Variants in BRCA2 observed in about 807,000 individuals in gnomAD.
BRCA2 encodes the protein BRCA2 DNA repair associated.
Under a neutral mutation model 276.7 loss-of-function variants are expected in BRCA2, and 203 were observed. The observed-to-expected ratio is 0.73, with a 90% CI of 0.65 to 0.82. The LOEUF is 0.82. Among genes scored for constraint, BRCA2 ranks in the 40% least tolerant of loss-of-function variants. The pLI is 0.00. For missense variants in BRCA2, 3,920 were observed against 3,915.0 expected, an observed-to-expected ratio of 1.00 and a Z score of -0.03; for synonymous variants, 1,289 against 1,338.4, an observed-to-expected ratio of 0.96 and a Z score of 0.81.
rs772860507 is a variant in BRCA2, at chr13:32,339,541, A to G, written c.5186A>G (p.Lys1729Arg). The part of the protein sequence containing the change: ...NSNSTIAEND[K>R]NHLSEKQDTY... ...AACAGTACTATAGCTGAAAATGACA[A>G]AAATCATCTCTCCGAAAAACAAGAT... Residue 1729 changes from lysine (K) to arginine (R), a missense_variant, in exon 11 of 27, where the codon AAA becomes AGA. Physicochemically the swap from Lys to Arg is conservative, Grantham distance 26. Coordinates refer to ENST00000380152, the MANE Select transcript of BRCA2 (RefSeq NM_000059.4). 1 of 1,605,352 alleles carries G rather than the reference A, an allele frequency of 6.2e-7. No individual in the cohort carries two copies. The highest frequency in any genetic ancestry group is 8.5e-7 in the Non-Finnish European group (1 of 1,176,114).
intron 12 of BRCA2, 109 bp from the exon 13 acceptor site, chr13:32,346,718 C>T: frequency 1.3e-6 from 1 of 785,792 alleles, no homozygotes; most frequent in Non-Finnish European, 2.0e-6. Context: ...GTTACATTCA[C>T]TGAAAATTGT....
In BRCA2 at chr13:32,331,008, T is replaced by C; in HGVS notation, c.771T>C (p.Asn257=). The C allele has an allele frequency of 6.2e-7, 1 of 1,611,940 alleles. No homozygotes were observed. Among genetic ancestry groups the C allele is most frequent in the South Asian group, 1.1e-5 (1 of 90,974 alleles). Residue 257 remains asparagine, a synonymous_variant, in exon 9 of 27, where the codon AAT becomes AAC. Transcript: ENST00000380152. The stretch of plus-strand genomic sequence containing the variant: ...CTGTGACAGACAGTGAAAACACAAA[T>C]CAAAGAGAAGCTGCAAGTCATGGTA... The part of the protein sequence containing the change: ...IASVTDSENT[N]QREAASHGFG...
chr13:32,359,362 A>G (rs1391629533), intron 16 of BRCA2, among the ~76,000 whole-genome samples: 1 of 152,196 alleles, frequency 6.6e-6, no homozygotes, highest in East Asian at 1.9e-4. Flanking sequence ...TAAAAGTTAA[A>G]CAGAAATATT....
At chr13:32,322,352 A>G (rs2072311562) in intron 3 of BRCA2, among the ~76,000 whole-genome samples, 1 of 152,218 alleles carries the variant, frequency 6.6e-6, no homozygotes. Context: ...ACACAGAAAT[A>G]TAGCGGTGTG....
At chr13:32,363,605 T>A (rs2137583452) in intron 18 of BRCA2, 72 bp downstream of exon 18, 2 of 1,321,448 alleles carry the variant, frequency 1.5e-6, no homozygotes, top group Non-Finnish European at 2.1e-6. Flanking sequence ...TACATTTAAA[T>A]TTTAAATGCT....
At chr13:32,395,408 A>C (rs575941981) in intron 25 of BRCA2, among the ~76,000 whole-genome samples, 9 of 152,332 alleles carry the variant, frequency 5.9e-5, no homozygotes, top group African/African-American at 2.2e-4. Flanking sequence ...GCTTAAATCT[A>C]TATATACATT....
chr13:32,366,932 T>C (rs1370846422), intron 18 of BRCA2, among the ~76,000 whole-genome samples: 1 of 151,408 alleles, frequency 6.6e-6, no homozygotes, highest in Admixed American at 6.6e-5. Flanking sequence ...GACTGTTTTC[T>C]AAGTACTGTT....
Position 32,339,300 on chromosome 13 carries a change from A to G in BRCA2, c.4945A>G (p.Lys1649Glu), listed in dbSNP as rs763743962. The change falls in exon 11 of 27, where the codon AAA (lysine) becomes GAA (glutamate). Residue 1649 changes from lysine to glutamate, a missense_variant. Lys to Glu is a moderately conservative substitution (Grantham distance 56). This residue lies in a region of BRCA2 where 3,263 missense variants were observed against 3,156.9 expected (regional missense o/e 1.03). Coordinates refer to ENST00000380152, the MANE Select transcript of BRCA2 (RefSeq NM_000059.4). ...VHENVEKETAKSPATCYTNQS... is the reference protein window; with the variant it reads ...VHENVEKETAESPATCYTNQS... ...TGAAAATGTAGAAAAAGAAACAGCA[A>G]AAAGTCCTGCAACTTGTTACACAAA... The G allele has an allele frequency of 6.2e-7, 1 of 1,605,138 alleles. No individual in the cohort carries two copies. The highest frequency in any genetic ancestry group is 8.5e-7 in the Non-Finnish European group (1 of 1,177,218).
rs762145450 is a variant in BRCA2 at position 32,398,429 on chromosome 13, A to G, written c.9916A>G (p.Thr3306Ala). The G allele has an allele frequency of 1.2e-6, 2 of 1,614,114 alleles. No homozygotes were observed. Among genetic ancestry groups the G allele is most frequent in the Admixed American group, 3.3e-5 (2 of 60,000 alleles). ...KAFQPPRSCG[T>A]KYETPIKKKE... ...ATTTCAGCCACCAAGGAGTTGTGGC[A>G]CCAAATACGAAACACCCATAAAGAA... The change falls in exon 27 of 27, where the codon ACC becomes GCC. Residue 3306 changes from threonine to alanine, a missense_variant. Thr to Ala is a moderately conservative substitution (Grantham distance 58, BLOSUM62 0). Coordinates refer to ENST00000380152, the MANE Select transcript of BRCA2 (RefSeq NM_000059.4).
intron 24 of BRCA2, among the ~76,000 whole-genome samples, chr13:32,388,500 A>C (rs1341036599): frequency 6.6e-6 from 1 of 152,144 alleles, no homozygotes; most frequent in Non-Finnish European, 1.5e-5. Flanking sequence ...CTTCCAGTAC[A>C]GTATGCAATA....
intron 11 of BRCA2, 86 bp downstream of exon 11, chr13:32,341,282 G>A (rs1482252668): frequency 1.3e-6 from 2 of 1,536,328 alleles, no homozygotes; most frequent in Non-Finnish European, 1.8e-6. Context: ...ACAATTAAGA[G>A]TGTTATAAAC....
In BRCA2 at chr13:32,338,122, A is replaced by G. The variant is rs80358618; in HGVS notation, c.3767A>G (p.His1256Arg). 6 of 1,607,954 alleles carry G rather than the reference A, an allele frequency of 3.7e-6. No individual in the cohort carries two copies. Among genetic ancestry groups the G allele is most frequent in the Non-Finnish European group, 4.2e-6 (5 of 1,177,194 alleles). Residue 1256 changes from histidine (H) to arginine (R), a missense_variant, in exon 11 of 27, where the codon CAT becomes CGT. Physicochemically the swap from His to Arg is conservative, Grantham distance 29 (BLOSUM62 0). Transcript: ENST00000380152. ...AGTGAGGAAACTTCTGCAGAGGTAC[A>G]TCCAATAAGTTTATCTTCAAGTAAA... ...NISEETSAEVHPISLSSSKCH... is the reference protein window; with the variant it reads ...NISEETSAEVRPISLSSSKCH...
At chr13:32,367,131 A>G (rs1476028455) in intron 18 of BRCA2, among the ~76,000 whole-genome samples, 1 of 152,010 alleles carries the variant, frequency 6.6e-6, no homozygotes, top group South Asian at 2.1e-4. Context: ...AAATAATTTG[A>G]GCATCAGAAA....
In BRCA2 at chr13:32,398,796, A is replaced by G. The variant is rs1444057576; in HGVS notation, c.*26A>G. 2 of 1,611,286 alleles carry G rather than the reference A, an allele frequency of 1.2e-6. No homozygotes were observed. Among genetic ancestry groups the G allele is most frequent in the African/African-American group, 2.7e-5 (2 of 74,840 alleles). On this transcript the variant is annotated 3_prime_UTR_variant, in exon 27 of 27. Coordinates refer to ENST00000380152, the MANE Select transcript of BRCA2 (RefSeq NM_000059.4). ...GCATTTGCAAAGGCGACAATAAATT[A>G]TTGACGCTTAACCTTTCCAGTTTAT...
intron 16 of BRCA2, among the ~76,000 whole-genome samples, chr13:32,362,157 G>A (rs2072741288): frequency 6.6e-6 from 1 of 151,910 alleles, no homozygotes; most frequent in Non-Finnish European, 1.5e-5. Context: ...TAAGTAGCTG[G>A]GACCACAGAT....
At chr13:32,366,092 A>G (rs1041516726) in intron 18 of BRCA2, among the ~76,000 whole-genome samples, 3 of 152,220 alleles carry the variant, frequency 2.0e-5, no homozygotes, top group Admixed American at 1.3e-4. Flanking sequence ...AATACAAAAA[A>G]AGCAATTCCT....
intron 3 of BRCA2, among the ~76,000 whole-genome samples, chr13:32,321,021 A>C (rs547254040): frequency 5.9e-4 from 90 of 152,340 alleles, no homozygotes; most frequent in Non-Finnish European, 1.1e-3. Flanking sequence ...TAGGAAGATC[A>C]GTTAGGGGAT....
At chr13:32,359,510 A>G (rs2072724863) in intron 16 of BRCA2, among the ~76,000 whole-genome samples, 1 of 152,156 alleles carries the variant, frequency 6.6e-6, no homozygotes, top group Non-Finnish European at 1.5e-5. Flanking sequence ...GATATATTAC[A>G]TTATGCCAGT....
At chr13:32,360,809 A>G (rs1381388567) in intron 16 of BRCA2, among the ~76,000 whole-genome samples, 1 of 152,216 alleles carries the variant, frequency 6.6e-6, no homozygotes, top group Non-Finnish European at 1.5e-5. Context: ...GGTGGAAAGC[A>G]GTTGGACTCT....
Sources: allele counts gnomAD v4.1 joint callset (sites outside exome capture counted in the v4.1 genomes callset), GRCh38; gene constraint gnomAD v4.1.1; regional missense constraint gnomAD v4.1.1; transcripts MANE v1.5; gene names NCBI Gene and HGNC (gene_info 2026-07-23, HGNC 2026-07-21).